EPHB1: variants seen among roughly 807,000 people sequenced by gnomAD.
The protein encoded by EPHB1 is EPH receptor B1, also known as ephrin type-B receptor 1.
A neutral mutation model predicts 94.4 loss-of-function variants in EPHB1; 30 were observed. The ratio of observed to expected loss-of-function variants is 0.32; its 90% CI spans 0.24 to 0.43. EPHB1 has a LOEUF of 0.43. Among genes scored for constraint, EPHB1 ranks in the 20% least tolerant of loss-of-function variants. EPHB1 has a pLI of 1.00. For missense variants in EPHB1, 1,055 were observed against 1,308.3 expected (o/e 0.81, Z 2.99); for synonymous variants, 522 against 489.1 (o/e 1.07, Z -0.89).
chr3:135,002,313 T>G (rs1935213521), intron 3 of EPHB1, among the ~76,000 whole-genome samples: 2 of 152,216 alleles, frequency 1.3e-5, no homozygotes, highest in Admixed American at 1.3e-4. Flanking sequence ...TTGATCATGG[T>G]GCATAAGCTT....
rs113610495 is a variant in EPHB1, at chr3:134,937,912, CTTTTTTTT to C, written c.123+12045_123+12052del. On this transcript the variant is annotated intron_variant, in intron 2 of 15. Coordinates refer to ENST00000398015, the MANE Select transcript of EPHB1 (RefSeq NM_004441.5). ...TGACCAGCCAAGCACTGGTTCCCTC[CTTTTTTTT>C]TTTTTTTTTTTTCCTCCTTTCTTGT... is the stretch of plus-strand genomic sequence containing the variant. Among the ~76,000 whole-genome samples the C allele has an allele frequency of 1.4e-3, 176 of 122,592 alleles. 1 individual carries two copies. The highest frequency in any genetic ancestry group is 5.3e-3 in the Middle Eastern group (1 of 190). 80.4% of individuals were successfully genotyped at this position (122,592 alleles called of 152,430 possible). A position where few individuals can be genotyped will look rare whatever the true frequency, so the allele number is the denominator to read the frequency against.
At chr3:135,054,947 A>G (rs1202152213) in intron 3 of EPHB1, among the ~76,000 whole-genome samples, 1 of 152,190 alleles carries the variant, frequency 6.6e-6, no homozygotes, top group Non-Finnish European at 1.5e-5. Context: ...TTTAGTATGA[A>G]ATTAACAGAT....
At chr3:134,953,514 A>G (rs1933121612) in intron 3 of EPHB1, among the ~76,000 whole-genome samples, 1 of 152,230 alleles carries the variant, frequency 6.6e-6, no homozygotes, top group Non-Finnish European at 1.5e-5. Flanking sequence ...ATTGGTTGGG[A>G]TGGGTCACTA....
intron 1 of EPHB1, among the ~76,000 whole-genome samples, chr3:134,915,771 T>C (rs1454369511): frequency 6.6e-6 from 1 of 152,184 alleles, no homozygotes; most frequent in Non-Finnish European, 1.5e-5. Context: ...GTGGTCTCAA[T>C]GGCTTCATGA....
At chr3:134,852,462 A>G (rs1248352020) in intron 1 of EPHB1, 1 of 152,050 alleles carries the variant, frequency 6.6e-6, no homozygotes, top group Non-Finnish European at 1.5e-5. Flanking sequence ...CCTTCATGGT[A>G]TTTTAGTAAT....
chr3:134,822,873 C>T (rs150399957), intron 1 of EPHB1, among the ~76,000 whole-genome samples: 156 of 152,236 alleles, frequency 1.0e-3, no homozygotes, highest in Middle Eastern at 6.8e-3. Flanking sequence ...ATAAACGAAC[C>T]CAGGCAGTTC....
At chr3:134,909,008 A>G (rs36215) in intron 1 of EPHB1, among the ~76,000 whole-genome samples, 18,984 of 151,098 alleles carry the variant, frequency 0.13, 1,941 homozygotes, top group African/African-American at 0.28. Context: ...GTGCCCACCA[A>G]GAAGGTGATA....
At chr3:135,065,038 T>C (rs115965315) in intron 3 of EPHB1, among the ~76,000 whole-genome samples, 5,956 of 151,996 alleles carry the variant, frequency 0.039, 164 homozygotes, top group East Asian at 0.14. Context: ...GAGTTGATTT[T>C]GTTTTATTCC....
At chr3:135,157,440 T>TAAAA (rs1163678378) in intron 6 of EPHB1, among the ~76,000 whole-genome samples, 3 of 152,220 alleles carry the variant, frequency 2.0e-5, no homozygotes, top group Non-Finnish European at 4.4e-5. Context: ...ACCTCAACTT[T>TAAAA]TTATGCTGTA....
intron 9 of EPHB1, among the ~76,000 whole-genome samples, chr3:135,169,814 G>A (rs1941752897): frequency 6.6e-6 from 1 of 152,170 alleles, no homozygotes; most frequent in Non-Finnish European, 1.5e-5. Context: ...TAGGGCACAT[G>A]ACTAAGTAGC....
Position 134,941,752 on chromosome 3 carries a change from G to GACACACACACAC in EPHB1, c.124-9583_124-9572dup, listed in dbSNP as rs3067391. Among the ~76,000 whole-genome samples the GACACACACACAC allele has an allele frequency of 2.6e-3, 357 of 134,798 alleles. 5 individuals are homozygous for GACACACACACAC. The highest frequency in any genetic ancestry group is 7.3e-3 in the African/African-American group (260 of 35,482). 88.4% of individuals were successfully genotyped at this position (134,798 alleles called of 152,430 possible). ...ATAGCATGCTTTACATATGCACACAGACACACACACACACACACACACACA... is the reference window on the plus strand; with the variant it reads ...ATAGCATGCTTTACATATGCACACAGACACACACACACACACACACACACACACACACACACA... On this transcript the variant is annotated intron_variant, in intron 2 of 15. Coordinates refer to ENST00000398015, the MANE Select transcript of EPHB1 (RefSeq NM_004441.5).
intron 9 of EPHB1, among the ~76,000 whole-genome samples, chr3:135,171,917 C>CAA (rs1303179642): frequency 6.6e-6 from 1 of 152,114 alleles, no homozygotes; most frequent in Non-Finnish European, 1.5e-5. Flanking sequence ...TAGTGATTTG[C>CAA]AAAACAAGGT....
intron 1 of EPHB1, among the ~76,000 whole-genome samples, chr3:134,871,856 G>A (rs952070663): frequency 6.6e-6 from 1 of 152,156 alleles, no homozygotes; most frequent in African/African-American, 2.4e-5. Context: ...TGTTCTACTG[G>A]GTTGTTCTAG....
At chr3:135,036,833 T>C (rs1262804014) in intron 3 of EPHB1, among the ~76,000 whole-genome samples, 2 of 152,146 alleles carry the variant, frequency 1.3e-5, no homozygotes, top group Non-Finnish European at 2.9e-5. Flanking sequence ...ACTGGACTGA[T>C]GTGACTGGGT....
At chr3:135,207,473 G>C (rs1000465489) in intron 12 of EPHB1, among the ~76,000 whole-genome samples, 2 of 152,192 alleles carry the variant, frequency 1.3e-5, no homozygotes, top group African/African-American at 4.8e-5. Flanking sequence ...ATCAAAAGGA[G>C]ACATTGTTAC....
At chr3:134,835,688 A>G (rs1422932435) in intron 1 of EPHB1, among the ~76,000 whole-genome samples, 1 of 152,194 alleles carries the variant, frequency 6.6e-6, no homozygotes, top group Non-Finnish European at 1.5e-5. Flanking sequence ...TGGAGTTGGC[A>G]GTGAGAGGAA....
intron 3 of EPHB1, among the ~76,000 whole-genome samples, chr3:134,993,114 G>A (rs2107738837): frequency 6.6e-6 from 1 of 152,292 alleles, no homozygotes; most frequent in South Asian, 2.1e-4. Context: ...AAGGGGTCCT[G>A]TTCCCCAGTA....
chr3:135,140,282 A>G (rs1940773057), intron 5 of EPHB1, among the ~76,000 whole-genome samples: 1 of 152,136 alleles, frequency 6.6e-6, no homozygotes, highest in East Asian at 1.9e-4. Flanking sequence ...GGTGCAGGTG[A>G]TCCATCCTCC....
At chr3:135,251,456 A>G (rs1339703097) in intron 15 of EPHB1, among the ~76,000 whole-genome samples, 7 of 151,386 alleles carry the variant, frequency 4.6e-5, no homozygotes, top group South Asian at 2.1e-4. Context: ...TAGTCTGAGA[A>G]TAATCAATGA....
Sources: gnomAD v4.1 joint callset for allele counts (sites outside exome capture counted in the v4.1 genomes callset) on GRCh38, gnomAD v4.1.1 for gene constraint, MANE v1.5 for transcripts, NCBI Gene and HGNC (gene_info 2026-07-23, HGNC 2026-07-21) for gene names.